PIP4K2A: variants seen among roughly 807,000 people sequenced by gnomAD.
PIP4K2A encodes the protein phosphatidylinositol-5-phosphate 4-kinase type 2 alpha.
In PIP4K2A, 14 loss-of-function variants were observed where a neutral mutation model predicts 42.9. That is an observed-to-expected ratio of 0.33 (90% CI 0.22 to 0.51). PIP4K2A has a LOEUF of 0.51. Ranked by LOEUF, PIP4K2A falls within the 20% of genes least tolerant of loss-of-function variation. The pLI is 0.97. For synonymous variants in PIP4K2A, 192 were observed against 192.2 expected, an observed-to-expected ratio of 1.00 and a Z score of 0.01; for missense variants, 434 against 519.8, an observed-to-expected ratio of 0.83 and a Z score of 1.61.
At chr10:22,570,876 A>T (rs72814902) in intron 5 of PIP4K2A, among the ~76,000 whole-genome samples, 13,649 of 152,094 alleles carry the variant, frequency 0.09, 882 homozygotes, top group Middle Eastern at 0.15. Flanking sequence ...AGCACCATCT[A>T]AGAAACCCAG....
intron 9 of PIP4K2A, 47 bp downstream of exon 9, chr10:22,539,924 A>C (rs12251834): frequency 1.3e-5 from 12 of 950,232 alleles, no homozygotes; most frequent in Middle Eastern, 2.2e-4. Flanking sequence ...AGAGAGAGAG[A>C]GAGAGAGGGA....
At chr10:22,550,981 G>T (rs1010474034) in intron 6 of PIP4K2A, among the ~76,000 whole-genome samples, 1 of 152,172 alleles carries the variant, frequency 6.6e-6, no homozygotes, top group African/African-American at 2.4e-5. Context: ...GGAAGCATTC[G>T]CAAGAGCAGT....
chr10:22,669,004 T>C (rs1322428940), intron 1 of PIP4K2A, among the ~76,000 whole-genome samples: 1 of 152,236 alleles, frequency 6.6e-6, no homozygotes, highest in Non-Finnish European at 1.5e-5. Context: ...CTTTTTTTGT[T>C]GCTAGTTGAT....
chr10:22,563,346 C>A (rs997727093), intron 6 of PIP4K2A, among the ~76,000 whole-genome samples: 4 of 152,164 alleles, frequency 2.6e-5, no homozygotes, highest in Non-Finnish European at 5.9e-5. Flanking sequence ...ATAAAGACTG[C>A]ATTAAACGTA....
chr10:22,670,971 C>A (rs1325197689), intron 1 of PIP4K2A, among the ~76,000 whole-genome samples: 1 of 152,158 alleles, frequency 6.6e-6, no homozygotes, highest in African/African-American at 2.4e-5. Context: ...GAGAAGCAGT[C>A]ATCATATTGG....
At chr10:22,569,131 A>T in intron 5 of PIP4K2A, 1 of 1,059,158 alleles carries the variant, frequency 9.4e-7, no homozygotes, top group South Asian at 1.3e-5. Context: ...AGCTTCCTGC[A>T]ATTCACAGAT....
At chr10:22,538,861 G>A (rs955709112) in intron 9 of PIP4K2A, among the ~76,000 whole-genome samples, 1 of 152,246 alleles carries the variant, frequency 6.6e-6, no homozygotes, top group African/African-American at 2.4e-5. Context: ...TATCGACAAT[G>A]TGACTGAAAT....
intron 1 of PIP4K2A, among the ~76,000 whole-genome samples, chr10:22,682,900 G>C (rs951352850): frequency 2.6e-5 from 4 of 152,162 alleles, no homozygotes; most frequent in Admixed American, 1.3e-4. Context: ...CATCATTTGC[G>C]TCTGAAAATC....
chr10:22,678,723 G>T (rs1189566173), intron 1 of PIP4K2A, among the ~76,000 whole-genome samples: 1 of 152,064 alleles, frequency 6.6e-6, no homozygotes, highest in Admixed American at 6.6e-5. Flanking sequence ...TCCGCCCTAG[G>T]TAATGTATCC....
chr10:22,553,779 G>A (rs1225968653), intron 6 of PIP4K2A, among the ~76,000 whole-genome samples: 1 of 138,544 alleles, frequency 7.2e-6, no homozygotes, highest in Admixed American at 8.0e-5. Context: ...GGGTATTACA[G>A]GTTGAAAAAC....
At chr10:22,678,230 C>T (rs1351275171) in intron 1 of PIP4K2A, among the ~76,000 whole-genome samples, 1 of 151,706 alleles carries the variant, frequency 6.6e-6, no homozygotes. Flanking sequence ...ATACCAGGGA[C>T]CAGAGCAGAG....
intron 5 of PIP4K2A, among the ~76,000 whole-genome samples, chr10:22,570,415 C>T (rs61847465): frequency 8.5e-5 from 13 of 152,316 alleles, no homozygotes; most frequent in Non-Finnish European, 1.3e-4. Context: ...TGAGCAGTAC[C>T]GCCAAGGCTT....
intron 9 of PIP4K2A, among the ~76,000 whole-genome samples, chr10:22,537,616 C>G (rs923065200): frequency 1.3e-5 from 2 of 152,162 alleles, no homozygotes; most frequent in African/African-American, 4.8e-5. Context: ...TCAGAAGTCA[C>G]GGAAACAATA....
chr10:22,560,005 G>C (rs909741882), intron 6 of PIP4K2A, among the ~76,000 whole-genome samples: 2 of 152,202 alleles, frequency 1.3e-5, no homozygotes, highest in South Asian at 4.1e-4. Context: ...TGGTCCAGAA[G>C]GTAGATGTTA....
intron 1 of PIP4K2A, among the ~76,000 whole-genome samples, chr10:22,623,037 T>A (rs1838364214): frequency 6.6e-6 from 1 of 152,140 alleles, no homozygotes; most frequent in Non-Finnish European, 1.5e-5. Flanking sequence ...GGCACAAGCA[T>A]ATTACCTAGC....
Position 22,610,448 on chromosome 10 carries a change from C to T in PIP4K2A, c.145-731G>A, listed in dbSNP as rs149615630. On this transcript the variant is annotated intron_variant, in intron 1 of 9. Coordinates refer to ENST00000376573, the MANE Select transcript of PIP4K2A (RefSeq NM_005028.5). Reference sequence around the variant, plus strand: ...TTAACTATTTTTGCATGTTGACTTTCCTTGTTGCTAGCAATAAAAACCATG... The same window carrying T: ...TTAACTATTTTTGCATGTTGACTTTTCTTGTTGCTAGCAATAAAAACCATG... Among the ~76,000 whole-genome samples the T allele has an allele frequency of 6.8e-4, 103 of 152,344 alleles. No individual in the cohort carries two copies. In the Middle Eastern group the frequency reaches 0.01, roughly 15 times the overall value.
rs1052595680 is a variant in PIP4K2A, at chr10:22,535,956, C to A, written c.*1245G>T. 7 of 394,338 alleles carry A rather than the reference C, an allele frequency of 1.8e-5. No homozygotes were observed. Among genetic ancestry groups the A allele is most frequent in the African/African-American group, 6.2e-5 (3 of 48,558 alleles). 24.4% of individuals were successfully genotyped at this position (394,338 alleles called of 1,614,324 possible). A position where few individuals can be genotyped will look rare whatever the true frequency, so the allele number is the denominator to read the frequency against. ...CCATGTACTTTGACTAAAACACTCA[C>A]GTAAAAACATGGCTGCAGGATACGT... On this transcript the variant is annotated 3_prime_UTR_variant, in exon 10 of 10. Coordinates refer to ENST00000376573, the MANE Select transcript of PIP4K2A (RefSeq NM_005028.5).
At chr10:22,602,543 G>T (rs911428277) in intron 3 of PIP4K2A, among the ~76,000 whole-genome samples, 2 of 152,088 alleles carry the variant, frequency 1.3e-5, no homozygotes, top group African/African-American at 4.8e-5. Flanking sequence ...TGTCCCTGGT[G>T]TCTTTGTGTT....
intron 1 of PIP4K2A, among the ~76,000 whole-genome samples, chr10:22,647,342 ACG>A (rs1419139113): frequency 2.6e-5 from 4 of 151,632 alleles, no homozygotes; most frequent in Non-Finnish European, 5.9e-5. Flanking sequence ...GTGTGTGTGC[ACG>A]CGCGTGTGCG....
Sources: gnomAD v4.1 joint callset for allele counts (sites outside exome capture counted in the v4.1 genomes callset) on GRCh38, gnomAD v4.1.1 for gene constraint, MANE v1.5 for transcripts, NCBI Gene and HGNC (gene_info 2026-07-23, HGNC 2026-07-21) for gene names.